Variants in ATP8A1 observed in about 807,000 individuals in gnomAD.
ATP8A1 encodes ATPase phospholipid transporting 8A1.
In ATP8A1, 90 loss-of-function variants were observed where a neutral mutation model predicts 177.7. The observed-to-expected ratio is 0.51, with a 90% CI of 0.43 to 0.60. The LOEUF is 0.60. ATP8A1 is among the 20% of genes least tolerant of loss of function. The pLI is 0.00. For missense variants in ATP8A1, 1,072 were observed against 1,392.8 expected (o/e 0.77, Z 3.67); for synonymous variants, 493 against 485.9 (o/e 1.01, Z -0.19).
At chr4:42,472,053 G>T in intron 25 of ATP8A1, 1 of 721,092 alleles carries the variant, frequency 1.4e-6, no homozygotes, top group South Asian at 1.4e-5. Context: ...GCTAGTACGT[G>T]AATTGGAGAA....
At chr4:42,579,037 C>T (rs1355502347) in intron 11 of ATP8A1, among the ~76,000 whole-genome samples, 2 of 151,814 alleles carry the variant, frequency 1.3e-5, no homozygotes, top group Non-Finnish European at 2.9e-5. Flanking sequence ...TTAAAAATAC[C>T]AGTTTTTGCT....
At chr4:42,616,009 G>C (rs999254974) in intron 5 of ATP8A1, 24 bp downstream of exon 5, 2 of 1,604,858 alleles carry the variant, frequency 1.2e-6, no homozygotes, top group Non-Finnish European at 1.7e-6. Context: ...ACAAATATGA[G>C]AAAAAAGCAT....
intron 20 of ATP8A1, among the ~76,000 whole-genome samples, chr4:42,541,570 T>C (rs1240588589): frequency 2.0e-5 from 3 of 152,218 alleles, no homozygotes; most frequent in Non-Finnish European, 4.4e-5. Flanking sequence ...AACATGCATA[T>C]GCATGTTTAC....
intron 25 of ATP8A1, among the ~76,000 whole-genome samples, chr4:42,485,199 G>T (rs1722068319): frequency 6.6e-6 from 1 of 152,030 alleles, no homozygotes; most frequent in African/African-American, 2.4e-5. Flanking sequence ...ATAGACAACA[G>T]GACCTTTAAA....
At chr4:42,566,333 C>T (rs1207860138) in intron 15 of ATP8A1, among the ~76,000 whole-genome samples, 1 of 152,156 alleles carries the variant, frequency 6.6e-6, no homozygotes, top group East Asian at 1.9e-4. Context: ...AGCTGCTGAA[C>T]AGCCATATTG....
At chr4:42,491,488 C>A (rs1315293783) in intron 24 of ATP8A1, among the ~76,000 whole-genome samples, 1 of 151,826 alleles carries the variant, frequency 6.6e-6, no homozygotes, top group Non-Finnish European at 1.5e-5. Flanking sequence ...TTGAGGAAAC[C>A]CTTGATAAAA....
chr4:42,556,083 C>A (rs1426315495), intron 15 of ATP8A1, 43 bp from the exon 16 acceptor site: 2 of 1,363,434 alleles, frequency 1.5e-6, no homozygotes, highest in African/African-American at 1.4e-5. Flanking sequence ...TCATTTATAC[C>A]AGCCCACTGA....
intron 33 of ATP8A1, among the ~76,000 whole-genome samples, chr4:42,428,100 G>C (rs1369926043): frequency 6.6e-6 from 1 of 152,176 alleles, no homozygotes; most frequent in Non-Finnish European, 1.5e-5. Flanking sequence ...TGATAGTTTA[G>C]AAGAGTCCTG....
intron 20 of ATP8A1, among the ~76,000 whole-genome samples, chr4:42,526,379 G>C (rs1726673003): frequency 6.6e-6 from 1 of 152,164 alleles, no homozygotes; most frequent in Non-Finnish European, 1.5e-5. Flanking sequence ...TTGGATTGAA[G>C]GATACAAAGT....
chr4:42,437,326 G>A (rs1460519146), intron 33 of ATP8A1, among the ~76,000 whole-genome samples: 2 of 152,022 alleles, frequency 1.3e-5, no homozygotes, highest in South Asian at 2.1e-4. Context: ...TCATTTAGAC[G>A]AGTCGGAAAA....
chr4:42,475,157 A>G (rs1345140014), intron 25 of ATP8A1, among the ~76,000 whole-genome samples: 15 of 152,284 alleles, frequency 9.9e-5, no homozygotes, highest in Non-Finnish European at 8.8e-5. Flanking sequence ...AGCAGTGTGG[A>G]TTCAGACACA....
At chr4:42,506,139 T>C (rs1294607104) in intron 23 of ATP8A1, among the ~76,000 whole-genome samples, 1 of 152,202 alleles carries the variant, frequency 6.6e-6, no homozygotes, top group Non-Finnish European at 1.5e-5. Context: ...GGGTGAGGCC[T>C]GCTATGGTCT....
Position 42,575,685 on chromosome 4 carries a change from G to T in ATP8A1, c.1143C>A (p.His381Gln), listed in dbSNP as rs1003973718. 5 of 1,613,156 alleles carry T rather than the reference G, an allele frequency of 3.1e-6. No individual in the cohort carries two copies. The highest frequency in any genetic ancestry group is 2.2e-5 in the East Asian group (1 of 44,824). ...AYFINWDLDM[H>Q]YEPTDTAAMA... Reference sequence around the variant, plus strand: ...TAGCAGCAGTGTCTGTGGGTTCATAGTGCATGTCAAGATCCTTTAATAAAA... The same window carrying T: ...TAGCAGCAGTGTCTGTGGGTTCATATTGCATGTCAAGATCCTTTAATAAAA... Residue 381 changes from histidine (H) to glutamine (Q), a missense_variant, in exon 13 of 37, where the codon CAC (histidine) becomes CAA (glutamine). By Grantham distance (24) the His-to-Gln change is conservative. This residue lies in a region of ATP8A1 where 388 missense variants were observed against 471.7 expected (regional missense o/e 0.82). Transcript: ENST00000381668.
chr4:42,610,274 T>C (rs1736238997), intron 5 of ATP8A1, among the ~76,000 whole-genome samples: 1 of 152,108 alleles, frequency 6.6e-6, no homozygotes, highest in South Asian at 2.1e-4. Context: ...CACAGGGTCC[T>C]ACACAAGAAA....
At chr4:42,523,196 G>A (rs1185565275) in intron 21 of ATP8A1, among the ~76,000 whole-genome samples, 1 of 152,138 alleles carries the variant, frequency 6.6e-6, no homozygotes, top group Admixed American at 6.5e-5. Context: ...CCTGTGTCTG[G>A]TGCCTGCCAA....
At chr4:42,630,778 G>A (rs34378122) in intron 1 of ATP8A1, among the ~76,000 whole-genome samples, 27,616 of 152,078 alleles carry the variant, frequency 0.18, 2,493 homozygotes, top group East Asian at 0.26. Context: ...TTTGAACTCC[G>A]TATTAAGTAT....
chr4:42,462,481 G>T (rs1166011805), intron 27 of ATP8A1, among the ~76,000 whole-genome samples: 1 of 152,266 alleles, frequency 6.6e-6, no homozygotes, highest in Non-Finnish European at 1.5e-5. Flanking sequence ...TCCATGTGGT[G>T]TTGAGCCTGA....
At chr4:42,440,843 G>A (rs566753151) in intron 33 of ATP8A1, among the ~76,000 whole-genome samples, 1 of 152,222 alleles carries the variant, frequency 6.6e-6, no homozygotes, top group Admixed American at 6.5e-5. Flanking sequence ...GCTATTCTCT[G>A]TCTGCTCCAC....
intron 11 of ATP8A1, among the ~76,000 whole-genome samples, chr4:42,579,123 ATGTAAACTCAT>A (rs1206231274): frequency 5.9e-5 from 9 of 151,966 alleles, no homozygotes; most frequent in Non-Finnish European, 1.0e-4. Flanking sequence ...TGAAATGAAA[ATGTAAACTCAT>A]TTGACAGAAA....
Sources: allele counts gnomAD v4.1 joint callset (sites outside exome capture counted in the v4.1 genomes callset), GRCh38; gene constraint gnomAD v4.1.1; regional missense constraint gnomAD v4.1.1; transcripts MANE v1.5; gene names NCBI Gene and HGNC (gene_info 2026-07-23, HGNC 2026-07-21).